Variants in HNRNPK observed in about 807,000 individuals in gnomAD.
The protein encoded by HNRNPK is heterogeneous nuclear ribonucleoprotein K.
Under a neutral mutation model 67.0 loss-of-function variants are expected in HNRNPK, and 7 were observed. That is an observed-to-expected ratio of 0.10 (90% CI 0.06 to 0.20). HNRNPK has a LOEUF of 0.20. HNRNPK is among the 10% of genes least tolerant of loss of function. The probability of loss-of-function intolerance (pLI) is 1.00; values close to 1 mark genes in which losing one functional copy is unlikely to be tolerated. For missense variants in HNRNPK, 264 were observed against 606.5 expected, an observed-to-expected ratio of 0.44 and a Z score of 5.93; for synonymous variants, 213 against 193.7, an observed-to-expected ratio of 1.10 and a Z score of -0.83.
chr9:83,976,902 CTA>C, intron 5 of HNRNPK, 91 bp downstream of exon 5: 1 of 701,820 alleles, frequency 1.4e-6, no homozygotes, highest in Non-Finnish European at 2.4e-6. Flanking sequence ...TGTAGCTAAA[CTA>C]TGAAATGATT....
intron 3 of HNRNPK, 32 bp downstream of exon 3, chr9:83,978,159 TAAAA>T (rs753348949): frequency 7.3e-7 from 1 of 1,366,310 alleles, no homozygotes; most frequent in South Asian, 1.2e-5. Context: ...ATTAACAGGA[TAAAA>T]AAATACTGTT....
At chr9:83,974,449 C>G in intron 7 of HNRNPK, 68 bp downstream of exon 7, 1 of 749,290 alleles carries the variant, frequency 1.3e-6, no homozygotes, top group East Asian at 2.6e-5. Flanking sequence ...CCATCATACC[C>G]CAATACAACA....
At chr9:83,970,476 G>A (rs1564058777) in intron 15 of HNRNPK, 145 bp from the exon 16 acceptor site, 1 of 699,092 alleles carries the variant, frequency 1.4e-6, no homozygotes, top group Non-Finnish European at 2.4e-6. Context: ...CAAGGTTTGA[G>A]TTATAATGTA....
At chr9:83,977,112 C>A (rs572202204) in intron 4 of HNRNPK, 61 bp from the exon 5 acceptor site, 5 of 1,154,424 alleles carry the variant, frequency 4.3e-6, no homozygotes, top group Middle Eastern at 1.9e-4. Context: ...TAGCTACCTA[C>A]GCTCTTAGAT....
At chr9:83,979,251 T>G (rs879247205) in intron 1 of HNRNPK, among the ~76,000 whole-genome samples, 1 of 152,228 alleles carries the variant, frequency 6.6e-6, no homozygotes, top group African/African-American at 2.4e-5. Context: ...GAGGCACATT[T>G]ATGCCTCCCA....
chr9:83,968,937 A>G lies in HNRNPK; in HGVS notation c.*470T>C, dbSNP rs972318000. On this transcript the variant is annotated 3_prime_UTR_variant, in exon 17 of 17. Coordinates refer to ENST00000376263, the MANE Select transcript of HNRNPK (RefSeq NM_031263.4). ...GTTCACTAAATTTATTTTAAAAATC[A>G]TAAAACGTTTCTTACAAAAGAGCAT... 2.5e-5 allele frequency: 4 copies of G among 162,122 alleles called. No individual in the cohort carries two copies. Among genetic ancestry groups the G allele is most frequent in the Admixed American group, 6.4e-5 (1 of 15,588 alleles). The allele number at this position is 162,122 out of a possible 1,614,324, so 10.0% of individuals were successfully genotyped here.
rs554663508 is a variant in HNRNPK, at chr9:83,968,503, A to C, written c.*904T>G. 6.6e-6 allele frequency: 1 copy of C among 152,630 alleles called. No homozygotes were observed. The highest frequency in any genetic ancestry group is 1.5e-5 in the Non-Finnish European group (1 of 68,032). 9.5% of individuals were successfully genotyped at this position (152,630 alleles called of 1,614,324 possible). On this transcript the variant is annotated 3_prime_UTR_variant, in exon 17 of 17. Transcript: ENST00000376263. ...TTCAGCATTAGTCACTTCCATAACC[A>C]AGTGTTATTCTGATTAATAAAACTT...
intron 6 of HNRNPK, among the ~76,000 whole-genome samples, chr9:83,975,259 G>T (rs1190243036): frequency 6.6e-6 from 1 of 152,142 alleles, no homozygotes; most frequent in Non-Finnish European, 1.5e-5. Context: ...TCCTTCCATC[G>T]AAATAAAATT....
intron 15 of HNRNPK, 123 bp downstream of exon 15, chr9:83,970,614 A>G (rs2133018315): frequency 4.1e-6 from 3 of 738,906 alleles, no homozygotes. Flanking sequence ...ACTAAAGCCC[A>G]TTAACATAAC....
Position 83,968,445 on chromosome 9 carries a change from G to A in HNRNPK, c.*962C>T, listed in dbSNP as rs777157585. ...GCAAATTGACAGTTTAAGTCTATAG[G>A]TGAGAAATTATCTAATAAAAATAAT... is the stretch of plus-strand genomic sequence containing the variant. On this transcript the variant is annotated 3_prime_UTR_variant, in exon 17 of 17. Coordinates refer to ENST00000376263, the MANE Select transcript of HNRNPK (RefSeq NM_031263.4). 1 of 152,476 alleles carries A rather than the reference G, an allele frequency of 6.6e-6. No individual in the cohort carries two copies. The highest frequency in any genetic ancestry group is 1.5e-5 in the Non-Finnish European group (1 of 68,022). The allele number at this position is 152,476 out of a possible 1,614,324, so 9.4% of individuals were successfully genotyped here.
intron 9 of HNRNPK, 80 bp from the exon 10 acceptor site, chr9:83,973,052 A>G (rs2133037610): frequency 9.9e-7 from 1 of 1,011,636 alleles, no homozygotes; most frequent in South Asian, 1.6e-5. Context: ...TTGCATTTGA[A>G]TTCAACAATT....
Position 83,973,271 on chromosome 9 carries a change from T to A in HNRNPK, c.516+15A>T, listed in dbSNP as rs767488485. The A allele has an allele frequency of 1.3e-5, 3 of 222,846 alleles. No individual in the cohort carries two copies. Among genetic ancestry groups the A allele is most frequent in the Non-Finnish European group, 1.4e-5 (2 of 138,648 alleles). The allele number at this position is 222,846 out of a possible 1,614,324, so 13.8% of individuals were successfully genotyped here. A position where few individuals can be genotyped will look rare whatever the true frequency, so the allele number is the denominator to read the frequency against. ...CTTTCCAGCAAAGAATACGGCAGAA[T>A]TTTTTTTTTTTTACCTCTCGAAGTT... On this transcript the variant is annotated intron_variant, in intron 9 of 16. Transcript: ENST00000376263.
chr9:83,980,333 A>AAGGCGACGGAGG (rs1160154959), upstream of HNRNPK: 2 of 152,262 alleles, frequency 1.3e-5, no homozygotes, highest in Non-Finnish European at 2.9e-5. Flanking sequence ...CACGTCAATC[A>AAGGCGACGGAGG]AGGCGACGGA....
chr9:83,972,226 A>T, intron 10 of HNRNPK, 37 bp from the exon 11 acceptor site: 1 of 1,462,386 alleles, frequency 6.8e-7, no homozygotes, highest in Non-Finnish European at 9.3e-7. Context: ...CAGACTGAAG[A>T]AAAAGAGTCC....
At chr9:83,977,626 A>G (rs1564069447) in intron 4 of HNRNPK, 63 bp downstream of exon 4, 1 of 973,060 alleles carries the variant, frequency 1.0e-6, no homozygotes, top group Non-Finnish European at 1.6e-6. Flanking sequence ...AGAAAGCCAA[A>G]CCAGACCTTA....
rs748646306 is a variant in HNRNPK at position 83,971,327 on chromosome 9, G to A, written c.1038C>T (p.Asp346=). 9 of 1,612,178 alleles carry A rather than the reference G, an allele frequency of 5.6e-6. No homozygotes were observed. The highest frequency in any genetic ancestry group is 1.7e-5 in the Admixed American group (1 of 60,016). ...MVGFSADETW[D]SAIDTWSPSE... ...ATGGGCTCCATGTATCTATTGCAGA[G>A]TCCCAAGTTTCATCAGCACTGAAAC... The change falls in exon 13 of 17, where the codon GAC becomes GAT. Residue 346 remains aspartate (D), a synonymous_variant. Coordinates refer to ENST00000376263, the MANE Select transcript of HNRNPK (RefSeq NM_031263.4).
chr9:83,974,786 T>C (rs1042279777), intron 6 of HNRNPK, among the ~76,000 whole-genome samples, 197 bp from the exon 7 acceptor site: 4 of 152,196 alleles, frequency 2.6e-5, no homozygotes, highest in Non-Finnish European at 4.4e-5. Flanking sequence ...ATAACAATAT[T>C]AGGAGACTTG....
At chr9:83,973,444 C>A (rs966904526) in intron 8 of HNRNPK, 45 bp from the exon 9 acceptor site, 2 of 1,010,236 alleles carry the variant, frequency 2.0e-6, no homozygotes, top group Non-Finnish European at 3.2e-6. Flanking sequence ...ATCAACAATT[C>A]CCCAATACAC....
chr9:83,972,696 T>A, intron 10 of HNRNPK, 148 bp downstream of exon 10: 1 of 549,212 alleles, frequency 1.8e-6, no homozygotes, highest in South Asian at 3.3e-5. Context: ...ATTTTTAAAT[T>A]AAAGTGATGG....
Sources: allele counts gnomAD v4.1 joint callset (sites outside exome capture counted in the v4.1 genomes callset), GRCh38; gene constraint gnomAD v4.1.1; transcripts MANE v1.5; gene names NCBI Gene and HGNC (gene_info 2026-07-23, HGNC 2026-07-21).